Variants in NAV2 observed in about 807,000 individuals in gnomAD.
NAV2 encodes neuron navigator 2.
In NAV2, 54 loss-of-function variants were observed where a neutral mutation model predicts 223.2. That is an observed-to-expected ratio of 0.24 (90% CI 0.19 to 0.30). NAV2 has a LOEUF of 0.30. Ranked by LOEUF, NAV2 falls within the 10% of genes least tolerant of loss-of-function variation. The pLI, the probability that NAV2 is intolerant of heterozygous loss-of-function variation, is 1.00. For synonymous variants in NAV2, 1,279 were observed against 1,239.3 expected (o/e 1.03, Z -0.67); for missense variants, 2,806 against 3,147.5 (o/e 0.89, Z 2.60).
intron 3 of NAV2, among the ~76,000 whole-genome samples, chr11:19,859,999 AC>A (rs777023725): frequency 9.1e-5 from 4 of 44,106 alleles, no homozygotes; most frequent in Non-Finnish European, 1.8e-4. Flanking sequence ...CGGGGGGCTG[AC>A]CCCCCCTCCC....
intron 11 of NAV2, chr11:20,023,202 G>T: frequency 6.8e-7 from 1 of 1,466,340 alleles, no homozygotes; most frequent in South Asian, 1.2e-5. Context: ...TGTCTTCCTT[G>T]GCCGGTATTG....
At chr11:20,075,230 T>G (rs549535913) in intron 22 of NAV2, among the ~76,000 whole-genome samples, 3 of 151,658 alleles carry the variant, frequency 2.0e-5, no homozygotes, top group East Asian at 1.9e-4. Flanking sequence ...TTGTTTTTTT[T>G]TTTTTTGAGA....
At chr11:19,972,414 T>A (rs1246480929) in intron 10 of NAV2, among the ~76,000 whole-genome samples, 2 of 152,240 alleles carry the variant, frequency 1.3e-5, no homozygotes, top group African/African-American at 4.8e-5. Context: ...TGCTTAATCC[T>A]CTACCCTTGA....
At chr11:19,463,988 G>T (rs1852258055) in intron 1 of NAV2, among the ~76,000 whole-genome samples, 1 of 152,202 alleles carries the variant, frequency 6.6e-6, no homozygotes, top group Non-Finnish European at 1.5e-5. Context: ...GATTAACCTG[G>T]AGAAAAGAAG....
chr11:20,103,443 G>A, intron 33 of NAV2, 34 bp downstream of exon 33: 1 of 1,602,148 alleles, frequency 6.2e-7, no homozygotes, highest in Non-Finnish European at 8.5e-7. Flanking sequence ...TAGCCCCCCG[G>A]GAGAGAGTGC....
At chr11:19,607,915 C>CTT (rs1371677062) in intron 1 of NAV2, among the ~76,000 whole-genome samples, 5 of 152,328 alleles carry the variant, frequency 3.3e-5, no homozygotes, top group Admixed American at 3.3e-4. Context: ...TATGCTAGAT[C>CTT]AGGAGGCTAA....
intron 5 of NAV2, among the ~76,000 whole-genome samples, chr11:19,889,625 T>C (rs1217113317): frequency 6.6e-6 from 1 of 152,192 alleles, no homozygotes; most frequent in Non-Finnish European, 1.5e-5. Flanking sequence ...GCTGCAGCCA[T>C]TTGAACGATG....
chr11:19,977,335 A>C (rs1343632882), intron 10 of NAV2, among the ~76,000 whole-genome samples: 1 of 152,234 alleles, frequency 6.6e-6, no homozygotes, highest in Admixed American at 6.5e-5. Flanking sequence ...CCCAACTGAG[A>C]AAGGCATTGT....
At chr11:19,969,101 G>A (rs755136945) in intron 10 of NAV2, among the ~76,000 whole-genome samples, 2 of 152,214 alleles carry the variant, frequency 1.3e-5, no homozygotes, top group Non-Finnish European at 2.9e-5. Context: ...CTGTGGTACT[G>A]TCCTGACCTA....
At chr11:20,078,182 C>A in intron 24 of NAV2, 78 bp downstream of exon 24, 2 of 985,500 alleles carry the variant, frequency 2.0e-6, no homozygotes, top group Non-Finnish European at 3.1e-6. Flanking sequence ...TATGATGCAA[C>A]CTCCTTGCTA....
chr11:19,748,742 C>CAG (rs35227619), intron 1 of NAV2, among the ~76,000 whole-genome samples: 78,670 of 151,928 alleles, frequency 0.52, 20,702 homozygotes, highest in South Asian at 0.65. Flanking sequence ...CTGTTAGGAA[C>CAG]GGGGCAGGGA....
intron 1 of NAV2, among the ~76,000 whole-genome samples, chr11:19,675,330 C>T (rs943289151): frequency 3.4e-4 from 51 of 152,150 alleles, no homozygotes; most frequent in African/African-American, 1.2e-3. Flanking sequence ...GATAAACTCC[C>T]AGTTATTTTT....
At chr11:19,920,215 G>A (rs1565560765) in intron 6 of NAV2, among the ~76,000 whole-genome samples, 2 of 152,208 alleles carry the variant, frequency 1.3e-5, no homozygotes, top group South Asian at 2.1e-4. Context: ...AGTTGCTAAT[G>A]TCTCTGAGCT....
chr11:19,974,938 G>C (rs1439743300), intron 10 of NAV2, among the ~76,000 whole-genome samples: 1 of 152,212 alleles, frequency 6.6e-6, no homozygotes, highest in African/African-American at 2.4e-5. Context: ...ATGAAGCTGA[G>C]GCCTTGGAAT....
intron 8 of NAV2, among the ~76,000 whole-genome samples, chr11:19,944,823 C>T (rs546668005): frequency 7.9e-6 from 1 of 126,546 alleles, no homozygotes; most frequent in Non-Finnish European, 1.8e-5. Context: ...TTCTTCCTTG[C>T]TTGCTTGCTT....
chr11:19,968,247 G>A (rs2048935276), intron 10 of NAV2, among the ~76,000 whole-genome samples: 1 of 152,146 alleles, frequency 6.6e-6, no homozygotes, highest in South Asian at 2.1e-4. Flanking sequence ...GCCCAGGCTG[G>A]AGTGCAGTGG....
intron 6 of NAV2, among the ~76,000 whole-genome samples, chr11:19,911,031 A>ATTTTTT (rs996900212): frequency 2.4e-5 from 3 of 123,398 alleles, no homozygotes; most frequent in Non-Finnish European, 5.2e-5. Context: ...TTGCAAGCAC[A>ATTTTTT]TTTTTTTTTT....
intron 31 of NAV2, among the ~76,000 whole-genome samples, chr11:20,099,942 TG>T (rs1227166822): frequency 6.6e-6 from 1 of 152,190 alleles, no homozygotes; most frequent in Non-Finnish European, 1.5e-5. Flanking sequence ...ATCTTAGGCT[TG>T]TCCCTAGCAG....
At chr11:19,589,914 G>T (rs79895427) in intron 1 of NAV2, among the ~76,000 whole-genome samples, 2 of 152,180 alleles carry the variant, frequency 1.3e-5, no homozygotes, top group Non-Finnish European at 2.9e-5. Flanking sequence ...CACAGGAGGC[G>T]GGATTCCAGC....
Sources: gnomAD v4.1 joint callset for allele counts (sites outside exome capture counted in the v4.1 genomes callset) on GRCh38, gnomAD v4.1.1 for gene constraint, MANE v1.5 for transcripts, NCBI Gene and HGNC (gene_info 2026-07-23, HGNC 2026-07-21) for gene names.